Variants in FBXL13 observed in about 807,000 individuals in gnomAD.
FBXL13 encodes the protein F-box and leucine-rich repeat protein 13.
A neutral mutation model predicts 83.6 loss-of-function variants in FBXL13; 67 were observed. That is an observed-to-expected ratio of 0.80 (90% CI 0.66 to 0.98). The LOEUF (loss-of-function observed/expected upper bound fraction) is 0.98. Among genes scored for constraint, FBXL13 ranks in the 50% least tolerant of loss-of-function variants. The pLI is 0.00. For missense variants in FBXL13, 822 were observed against 866.5 expected (o/e 0.95, Z 0.64); for synonymous variants, 272 against 299.5 (o/e 0.91, Z 0.95).
intron 16 of FBXL13, among the ~76,000 whole-genome samples, chr7:102,869,060 T>C (rs1342876150): frequency 6.6e-6 from 1 of 152,214 alleles, no homozygotes; most frequent in African/African-American, 2.4e-5. Context: ...CTCGCTAATG[T>C]TTTCCATAAT....
chr7:102,937,345 C>A (rs368760740), intron 8 of FBXL13, among the ~76,000 whole-genome samples: 39 of 143,744 alleles, frequency 2.7e-4, no homozygotes, highest in African/African-American at 2.6e-4. Flanking sequence ...ACTAAAAATA[C>A]AAAAAAAAAA....
At chr7:102,939,295 T>A in intron 8 of FBXL13, 1 of 682,486 alleles carries the variant, frequency 1.5e-6, no homozygotes, top group Non-Finnish European at 2.4e-6. Flanking sequence ...TGTTTCATAC[T>A]AACTTTCTTT....
At chr7:103,055,279 A>G (rs937155153) in intron 2 of FBXL13, 101 bp from the exon 3 acceptor site, 4 of 583,410 alleles carry the variant, frequency 6.9e-6, no homozygotes, top group African/African-American at 6.0e-5. Flanking sequence ...AGGGAGGAGA[A>G]GGAAAACACA....
chr7:103,029,830 A>G (rs191241707), intron 2 of FBXL13, among the ~76,000 whole-genome samples: 1,674 of 152,188 alleles, frequency 0.011, 35 homozygotes, highest in African/African-American at 0.039. Flanking sequence ...TCTTTTCAAC[A>G]TAGAGGAATT....
chr7:103,062,253 C>T (rs1251152118), intron 1 of FBXL13, among the ~76,000 whole-genome samples: 2 of 151,948 alleles, frequency 1.3e-5, no homozygotes, highest in Admixed American at 1.3e-4. Context: ...ATCTTTGGTC[C>T]CTGTGGGGCA....
chr7:102,827,455 C>A (rs1469557275), intron 18 of FBXL13, among the ~76,000 whole-genome samples: 1 of 152,138 alleles, frequency 6.6e-6, no homozygotes, highest in East Asian at 1.9e-4. Flanking sequence ...ACTGGTTACA[C>A]AGCAAAAGAT....
intron 10 of FBXL13, among the ~76,000 whole-genome samples, chr7:102,918,139 G>T (rs569565860): frequency 6.5e-4 from 99 of 152,282 alleles, no homozygotes; most frequent in South Asian, 2.1e-3. Flanking sequence ...ACAGTTTCGA[G>T]AACATTTTTG....
intron 6 of FBXL13, among the ~76,000 whole-genome samples, chr7:103,019,007 C>A (rs1191894700): frequency 1.3e-5 from 2 of 152,180 alleles, no homozygotes; most frequent in East Asian, 3.8e-4. Context: ...CACCCCAAAT[C>A]AACAGAATAT....
At chr7:102,828,261 A>G (rs995948951) in intron 18 of FBXL13, among the ~76,000 whole-genome samples, 6 of 152,120 alleles carry the variant, frequency 3.9e-5, no homozygotes, top group African/African-American at 7.2e-5. Context: ...TATTTCATTG[A>G]GCAGTGGTTT....
At chr7:102,964,318 AAAT>A (rs1825728693) in intron 7 of FBXL13, among the ~76,000 whole-genome samples, 1 of 150,732 alleles carries the variant, frequency 6.6e-6, no homozygotes. Flanking sequence ...CTCAAAAAAA[AAAT>A]AAATAAATAG....
chr7:103,012,374 CAAAA>C (rs774447997), intron 6 of FBXL13, among the ~76,000 whole-genome samples: 1 of 52,972 alleles, frequency 1.9e-5, no homozygotes. Context: ...AACTCCAACT[CAAAA>C]AAAAAAAAAA....
chr7:102,973,822 T>C, intron 6 of FBXL13: 1 of 714,802 alleles, frequency 1.4e-6, no homozygotes, highest in African/African-American at 1.7e-5. Context: ...ACAGCCTCTC[T>C]TGGTTTCTCC....
In FBXL13 at chr7:102,954,345, G is replaced by A. The variant is rs142503666; in HGVS notation, c.724+9188C>T. Among the ~76,000 whole-genome samples the A allele has an allele frequency of 3.4e-3, 515 of 152,308 alleles. 4 individuals are homozygous for A. The highest frequency in any genetic ancestry group is 0.012 in the African/African-American group (493 of 41,568). ...TCCTTTACAGACAAGCAAATGCTGAGAGATTTTGTCACCACCAGGCCTGCC... is the reference window on the plus strand; with the variant it reads ...TCCTTTACAGACAAGCAAATGCTGAAAGATTTTGTCACCACCAGGCCTGCC... On this transcript the variant is annotated intron_variant, in intron 8 of 19. Transcript: ENST00000313221.
At chr7:103,061,392 T>C (rs1797891375) in intron 1 of FBXL13, among the ~76,000 whole-genome samples, 1 of 152,136 alleles carries the variant, frequency 6.6e-6, no homozygotes, top group Non-Finnish European at 1.5e-5. Context: ...ATAAATCATG[T>C]GCTTTTCTTT....
intron 17 of FBXL13, among the ~76,000 whole-genome samples, chr7:102,836,678 C>T (rs867920639): frequency 2.0e-5 from 3 of 152,200 alleles, no homozygotes; most frequent in African/African-American, 4.8e-5. Flanking sequence ...TATCTCTTAG[C>T]GAGTTAGATC....
chr7:102,884,097 T>C (rs923124539), intron 12 of FBXL13, 117 bp downstream of exon 13: 3 of 739,216 alleles, frequency 4.1e-6, no homozygotes, highest in Non-Finnish European at 4.6e-6. Flanking sequence ...ATGATTTTAT[T>C]ACTATTTTAA....
chr7:102,843,120 T>C (rs767897896), intron 17 of FBXL13, among the ~76,000 whole-genome samples: 10 of 152,166 alleles, frequency 6.6e-5, no homozygotes, highest in Non-Finnish European at 1.2e-4. Flanking sequence ...TAAAAGGTTA[T>C]GAAGATTAAG....
chr7:103,040,627 G>A (rs936173102), intron 2 of FBXL13, among the ~76,000 whole-genome samples: 1 of 152,010 alleles, frequency 6.6e-6, no homozygotes, highest in Non-Finnish European at 1.5e-5. Context: ...AAACTGTCTC[G>A]CAGACCACAG....
At chr7:102,863,998 G>A (rs1807257966) in intron 16 of FBXL13, among the ~76,000 whole-genome samples, 1 of 151,900 alleles carries the variant, frequency 6.6e-6, no homozygotes, top group South Asian at 2.1e-4. Flanking sequence ...CATTGCAATT[G>A]CTCATCCTTT....
Sources: gnomAD v4.1 joint callset for allele counts (sites outside exome capture counted in the v4.1 genomes callset) on GRCh38, gnomAD v4.1.1 for gene constraint, MANE v1.5 for transcripts, NCBI Gene and HGNC (gene_info 2026-07-23, HGNC 2026-07-21) for gene names.